The following BRIP1 variants were observed in gnomAD, a reference collection of about 807,000 sequenced individuals.
BRIP1 encodes the protein Fanconi anemia group J protein.
Under a neutral mutation model 119.7 loss-of-function variants are expected in BRIP1, and 88 were observed. The ratio of observed to expected loss-of-function variants is 0.74; its 90% CI spans 0.62 to 0.88. BRIP1 has a LOEUF of 0.88. Ranked by LOEUF, BRIP1 falls within the 40% of genes least tolerant of loss-of-function variation. The pLI is 0.00. For synonymous variants in BRIP1, 443 were observed against 496.5 expected (o/e 0.89, Z 1.43); for missense variants, 1,259 against 1,455.4 (o/e 0.87, Z 2.20).
intron 6 of BRIP1, among the ~76,000 whole-genome samples, chr17:61,812,454 A>T (rs1350499314): frequency 6.6e-6 from 1 of 152,016 alleles, no homozygotes; most frequent in East Asian, 1.9e-4. Context: ...AAATCTGTAA[A>T]CTCTAAGACC....
At position 61,713,054 on chromosome 17, in the gene BRIP1, A is replaced by G. The variant is rs956661073; in HGVS notation, c.2492+2897T>C. On this transcript the variant is annotated intron_variant, in intron 17 of 19. Coordinates refer to ENST00000259008, the MANE Select transcript of BRIP1 (RefSeq NM_032043.3). This position sits in a 1 kb window ranked among gnomAD's most constrained non-coding sequence, Gnocchi z 4.9. The stretch of plus-strand genomic sequence containing the variant: ...GAAGTGCATATATGATAGTGGTCCC[A>G]TAAGATTATAATGGAGCTGAAAAAT... Among the ~76,000 whole-genome samples, 5 of 152,236 alleles carry G rather than the reference A, an allele frequency of 3.3e-5. No homozygotes were observed. Among genetic ancestry groups the G allele is most frequent in the South Asian group, 2.1e-4 (1 of 4,830 alleles).
At position 61,686,080 on chromosome 17, in the gene BRIP1, C is replaced by CT; in HGVS notation, c.2660dup (p.His888AlafsTer6). The CT allele has an allele frequency of 6.2e-7, 1 of 1,613,964 alleles. No homozygotes were observed. Among genetic ancestry groups the CT allele is most frequent in the Non-Finnish European group, 8.5e-7 (1 of 1,179,904 alleles). On this transcript the variant is annotated frameshift_variant, in exon 19 of 20. Coordinates refer to ENST00000259008, the MANE Select transcript of BRIP1 (RefSeq NM_032043.3). LOFTEE classifies it high-confidence loss of function. The surrounding 1 kb of genome is among the most constrained non-coding windows in gnomAD (Gnocchi z 5.4). ...TGGATACATTAAGAACTTTTTGATG[C>CT]TTTTTGGAAAATTCAGCCAAGGATT...
rs2077788917 is a variant in BRIP1, at chr17:61,789,859, CAATGTTCAT to C, written c.1473+3729_1473+3737del. On this transcript the variant is annotated intron_variant, in intron 10 of 19. Coordinates refer to ENST00000259008, the MANE Select transcript of BRIP1 (RefSeq NM_032043.3). This position sits in a 1 kb window ranked among gnomAD's most constrained non-coding sequence, Gnocchi z 4.8. ...AAGTAGACATAAATCACAATGTTCA[CAATGTTCAT>C]CTTTGAGTTTATGAGTCATTTTTCT... Among the ~76,000 whole-genome samples the C allele has an allele frequency of 6.6e-6, 1 of 152,136 alleles. No individual in the cohort carries two copies. Among genetic ancestry groups the C allele is most frequent in the Non-Finnish European group, 1.5e-5 (1 of 68,030 alleles).
chr17:61,857,209 T>C lies in BRIP1; in HGVS notation c.228A>G (p.Val76=), dbSNP rs2078910583. The C allele has an allele frequency of 6.2e-7, 1 of 1,613,936 alleles. No homozygotes were observed. ...SLSGKPADEG[V]SEKAEVQLSC... Reference sequence around the variant, plus strand: ...ACAATTGTACTTCAGCTTTTTCACTTACGCCCTCATCTGCTGGTTTCCCTA... The same window carrying C: ...ACAATTGTACTTCAGCTTTTTCACTCACGCCCTCATCTGCTGGTTTCCCTA... Residue 76 remains valine (V), a synonymous_variant, in exon 4 of 20, where the codon GTA becomes GTG. Coordinates refer to ENST00000259008, the MANE Select transcript of BRIP1 (RefSeq NM_032043.3). This position sits in a 1 kb window ranked among gnomAD's most constrained non-coding sequence, Gnocchi z 5.1.
At chr17:61,829,438 G>A (rs953318876) in intron 6 of BRIP1, among the ~76,000 whole-genome samples, 1 of 151,506 alleles carries the variant, frequency 6.6e-6, no homozygotes, top group African/African-American at 2.4e-5. Flanking sequence ...TGGTAGAATT[G>A]AAAGAAAAGG....
rs2078717853 is a variant in BRIP1, at chr17:61,845,727, C to T, written c.627+1374G>A. Among the ~76,000 whole-genome samples, 1 of 152,170 alleles carries T rather than the reference C, an allele frequency of 6.6e-6. No homozygotes were observed. Among genetic ancestry groups the T allele is most frequent in the Non-Finnish European group, 1.5e-5 (1 of 68,038 alleles). On this transcript the variant is annotated intron_variant, in intron 6 of 19. Coordinates refer to ENST00000259008, the MANE Select transcript of BRIP1 (RefSeq NM_032043.3). The surrounding 1 kb of genome is among the most constrained non-coding windows in gnomAD (Gnocchi z 4.2). ...CACAATCCAAACTATCCTACAGGCG[C>T]TTCTCCCCAGGACATCCATCCTGCT...
In BRIP1 at chr17:61,686,439, G is replaced by A. The variant is rs1343521253; in HGVS notation, c.2576-274C>T. Among the ~76,000 whole-genome samples the A allele has an allele frequency of 2.0e-5, 3 of 152,032 alleles. No individual in the cohort carries two copies. Among genetic ancestry groups the A allele is most frequent in the Admixed American group, 6.6e-5 (1 of 15,258 alleles). ...GCAGAGATGGGAAAACATATTCTCT[G>A]GTTAAGAATAACTGGTGAACATGGC... On this transcript the variant is annotated intron_variant, in intron 18 of 19. Coordinates refer to ENST00000259008, the MANE Select transcript of BRIP1 (RefSeq NM_032043.3). The surrounding 1 kb of genome is among the most constrained non-coding windows in gnomAD (Gnocchi z 5.4).
In BRIP1 at chr17:61,796,888, TACTC is replaced by T. The variant is rs2077908142; in HGVS notation, c.1340+2208_1340+2211del. Among the ~76,000 whole-genome samples the T allele has an allele frequency of 6.6e-6, 1 of 152,006 alleles. No homozygotes were observed. The highest frequency in any genetic ancestry group is 2.4e-5 in the African/African-American group (1 of 41,412). ...CTGTGCAGGTGGCATCTATAAGACT[TACTC>T]ATTAATTGGATGAGGTGAGGCAGTA... On this transcript the variant is annotated intron_variant, in intron 9 of 19. Coordinates refer to ENST00000259008, the MANE Select transcript of BRIP1 (RefSeq NM_032043.3). This position sits in a 1 kb window ranked among gnomAD's most constrained non-coding sequence, Gnocchi z 4.8.
intron 11 of BRIP1, 77 bp downstream of exon 11, chr17:61,784,193 G>T: frequency 7.8e-7 from 1 of 1,285,354 alleles, no homozygotes; most frequent in Non-Finnish European, 1.1e-6. Context: ...CCCAAAATAG[G>T]TATGTATTAA....
intron 10 of BRIP1, among the ~76,000 whole-genome samples, chr17:61,791,774 G>A (rs991273784): frequency 6.6e-6 from 1 of 152,036 alleles, no homozygotes; most frequent in Non-Finnish European, 1.5e-5. Context: ...GGAAAAGTGA[G>A]AATATAGTGA....
At chr17:61,830,021 C>T (rs1156838451) in intron 6 of BRIP1, among the ~76,000 whole-genome samples, 1 of 151,874 alleles carries the variant, frequency 6.6e-6, no homozygotes, top group East Asian at 1.9e-4. Flanking sequence ...CAGGCTCCGC[C>T]TCCTGGGTTC....
chr17:61,716,599 C>T (rs2061866909), intron 16 of BRIP1, among the ~76,000 whole-genome samples: 1 of 151,838 alleles, frequency 6.6e-6, no homozygotes. Flanking sequence ...GTAGTTCATT[C>T]TTTTACGTTT....
In BRIP1 at chr17:61,716,015, G is replaced by C. The variant is rs587780238; in HGVS notation, c.2428C>G (p.Leu810Val). The C allele has an allele frequency of 6.2e-6, 10 of 1,608,352 alleles. No homozygotes were observed. The highest frequency in any genetic ancestry group is 7.6e-6 in the Non-Finnish European group (9 of 1,176,956). ...YNDHHSKLRG[L>V]LPGRQWYEIQ... is the part of the protein sequence containing the mutation. ...TCATACCACTGACGGCCAGGTAGAA[G>C]ACCTCTCAATTTTGAATGGTGGTCA... Residue 810 changes from leucine to valine, a missense_variant, in exon 17 of 20, where the codon CTT becomes GTT. This residue lies in a region of BRIP1 where 753 missense variants were observed against 891.8 expected (regional missense o/e 0.84). Transcript: ENST00000259008.
chr17:61,839,264 A>G (rs1051911462), intron 6 of BRIP1, among the ~76,000 whole-genome samples: 1 of 152,052 alleles, frequency 6.6e-6, no homozygotes, highest in Non-Finnish European at 1.5e-5. Flanking sequence ...TACAAAAAGG[A>G]GAAACATTCA....
chr17:61,857,011 A>C lies in BRIP1; in HGVS notation c.379+47T>G. 6.5e-7 allele frequency: 1 copy of C among 1,531,810 alleles called. No individual in the cohort carries two copies. The allele number at this position is 1,531,810 out of a possible 1,614,324, so 94.9% of individuals were successfully genotyped here. ...TTAGGGCTTATAACAGTAATAATTA[A>C]GACTCTTATTACAGATATCAACTGA... On this transcript the variant is annotated intron_variant, in intron 4 of 19. Transcript: ENST00000259008. The surrounding 1 kb of genome is among the most constrained non-coding windows in gnomAD (Gnocchi z 5.1).
chr17:61,728,210 C>T (rs1168157056), intron 16 of BRIP1, among the ~76,000 whole-genome samples: 1 of 150,874 alleles, frequency 6.6e-6, no homozygotes, highest in Non-Finnish European at 1.5e-5. Context: ...CAGAGCTTTT[C>T]AAATGTGAAT....
rs1206759923 is a variant in BRIP1 at position 61,757,435 on chromosome 17, A to G, written c.2098-12844T>C. Among the ~76,000 whole-genome samples the G allele has an allele frequency of 1.3e-5, 2 of 152,124 alleles. No individual in the cohort carries two copies. Among genetic ancestry groups the G allele is most frequent in the African/African-American group, 4.8e-5 (2 of 41,430 alleles). On this transcript the variant is annotated intron_variant, in intron 14 of 19. Transcript: ENST00000259008. The surrounding 1 kb of genome is among the most constrained non-coding windows in gnomAD (Gnocchi z 4.3). The stretch of plus-strand genomic sequence containing the variant: ...AGTGAAAGTAAGACCTCTGTTGGCA[A>G]TCTAACTGGAAATGAAGATCCTACA...
In BRIP1 at chr17:61,748,892, C is replaced by T. The variant is rs1253268759; in HGVS notation, c.2098-4301G>A. 6.6e-6 allele frequency among the ~76,000 whole-genome samples: 1 copy of T among 152,216 alleles called. No homozygotes were observed. The highest frequency in any genetic ancestry group is 1.5e-5 in the Non-Finnish European group (1 of 68,044). Reference sequence around the variant, plus strand: ...GTGGCTCATGCCTGTAATCCCAGCACTTTGGGAGGCCAAGGCGGGCAGATC... The same window carrying T: ...GTGGCTCATGCCTGTAATCCCAGCATTTTGGGAGGCCAAGGCGGGCAGATC... On this transcript the variant is annotated intron_variant, in intron 14 of 19. Transcript: ENST00000259008. The surrounding 1 kb of genome is among the most constrained non-coding windows in gnomAD (Gnocchi z 4.7).
In BRIP1 at chr17:61,813,256, T is replaced by TA. The variant is rs368563689; in HGVS notation, c.628-4500dup. On this transcript the variant is annotated intron_variant, in intron 6 of 19. Coordinates refer to ENST00000259008, the MANE Select transcript of BRIP1 (RefSeq NM_032043.3). ...AAGGAAAACTAGGTCAATGAAACAG[T>TA]AAAAAAAAAAAATACAAAAACTTGT... 7.2e-3 allele frequency among the ~76,000 whole-genome samples: 1,042 copies of TA among 143,762 alleles called. 14 individuals are homozygous for TA. Among genetic ancestry groups the TA allele is most frequent in the African/African-American group, 0.024 (923 of 39,136 alleles). The allele number at this position is 143,762 out of a possible 152,430, so 94.3% of individuals were successfully genotyped here. A position where few individuals can be genotyped will look rare whatever the true frequency, so the allele number is the denominator to read the frequency against.
Sources: allele counts gnomAD v4.1 joint callset (sites outside exome capture counted in the v4.1 genomes callset), GRCh38; gene constraint gnomAD v4.1.1; regional missense constraint gnomAD v4.1.1; non-coding constraint Gnocchi (gnomAD v3.1); transcripts MANE v1.5; gene names NCBI Gene and HGNC (gene_info 2026-07-23, HGNC 2026-07-21).